The following PCSK1 variants were observed in gnomAD, a reference collection of about 807,000 sequenced individuals.
PCSK1 encodes the protein neuroendocrine convertase 1.
Under a neutral mutation model 90.6 loss-of-function variants are expected in PCSK1, and 56 were observed. That is an observed-to-expected ratio of 0.62 (90% CI 0.50 to 0.77). The LOEUF is 0.77. Among genes scored for constraint, PCSK1 ranks in the 30% least tolerant of loss-of-function variants. The pLI, the probability that PCSK1 is intolerant of heterozygous loss-of-function variation, is 0.00. For synonymous variants in PCSK1, 348 were observed against 342.4 expected, an observed-to-expected ratio of 1.02 and a Z score of -0.18; for missense variants, 801 against 932.6, an observed-to-expected ratio of 0.86 and a Z score of 1.84.
intron 1 of PCSK1, chr5:96,432,015 C>A: frequency 8.9e-7 from 1 of 1,122,732 alleles, no homozygotes; most frequent in Non-Finnish European, 1.3e-6. Context: ...CAACCAGCTA[C>A]CTATCGACCA....
In PCSK1 at chr5:96,392,238, A is replaced by C. The variant is rs1334074097; in HGVS notation, c.*763T>G. 1.3e-5 allele frequency: 2 copies of C among 148,780 alleles called. No homozygotes were observed. Among genetic ancestry groups the C allele is most frequent in the African/African-American group, 5.0e-5 (2 of 39,702 alleles). The allele number at this position is 148,780 out of a possible 1,614,324, so 9.2% of individuals were successfully genotyped here. On this transcript the variant is annotated 3_prime_UTR_variant, in exon 14 of 14. Transcript: ENST00000311106. ...CCAACATTTATTTTGTGGCTGAGAA[A>C]GGAGACAGGTATAGAAAACTTTCAG...
rs1299160700 is a variant in PCSK1 at position 96,425,043 on chromosome 5, AGAAAG to A, written c.396+772_396+776del. Among the ~76,000 whole-genome samples the A allele has an allele frequency of 5.0e-5, 7 of 140,876 alleles. No individual in the cohort carries two copies. In the East Asian group the frequency reaches 1.3e-3, roughly 26 times the overall value. The allele number at this position is 140,876 out of a possible 152,430, so 92.4% of individuals were successfully genotyped here. On this transcript the variant is annotated intron_variant, in intron 3 of 13. Coordinates refer to ENST00000311106, the MANE Select transcript of PCSK1 (RefSeq NM_000439.5). Reference sequence around the variant, plus strand: ...AAGAAAGAAAGAAAGAAAGAAAGAAAGAAAGAAAGAAAGAAAGAAAGAAAGAAAGA... The same window carrying A: ...AAGAAAGAAAGAAAGAAAGAAAGAAAAAAGAAAGAAAGAAAGAAAGAAAGA...
At position 96,410,835 on chromosome 5, in the gene PCSK1, T is replaced by C; in HGVS notation, c.1034A>G (p.Glu345Gly). 6.2e-7 allele frequency: 1 copy of C among 1,614,132 alleles called. No homozygotes were observed. The highest frequency in any genetic ancestry group is 8.5e-7 in the Non-Finnish European group (1 of 1,179,980). ...SQQGLSPWYA[E>G]KCSSTLATSY... The stretch of plus-strand genomic sequence containing the variant: ...GGTGGCCAGTGTGGAGGAGCACTTC[T>C]CAGCGTACCAGGGGGATAGGCCTTG... The change falls in exon 8 of 14, where the codon GAG (glutamate) becomes GGG (glycine). Residue 345 changes from glutamate to glycine, a missense_variant. Transcript: ENST00000311106.
intron 7 of PCSK1, among the ~76,000 whole-genome samples, chr5:96,411,968 C>A (rs1412265638): frequency 6.6e-6 from 1 of 152,116 alleles, no homozygotes; most frequent in African/African-American, 2.4e-5. Context: ...TAAGTTGAGA[C>A]CACAGTTTCA....
At position 96,394,914 on chromosome 5, in the gene PCSK1, T is replaced by C; in HGVS notation, c.1834A>G (p.Thr612Ala). 6.2e-7 allele frequency: 1 copy of C among 1,614,084 alleles called. No individual in the cohort carries two copies. Among genetic ancestry groups the C allele is most frequent in the South Asian group, 1.1e-5 (1 of 91,078 alleles). Residue 612 changes from threonine (T) to alanine (A), a missense_variant, in exon 13 of 14, where the codon ACT (threonine) becomes GCT (alanine). Thr to Ala is a moderately conservative substitution (Grantham distance 58, BLOSUM62 0). Coordinates refer to ENST00000311106, the MANE Select transcript of PCSK1 (RefSeq NM_000439.5). The part of the protein sequence containing the change: ...KQPRVYTSYN[T>A]VQNDRRGVEK... ...ACCCCTCTTCTGTCATTCTGAACAGTGTTGTAGGACGTGTACACACGAGGC... is the reference window on the plus strand; with the variant it reads ...ACCCCTCTTCTGTCATTCTGAACAGCGTTGTAGGACGTGTACACACGAGGC...
At position 96,408,310 on chromosome 5, in the gene PCSK1, A is replaced by AG; in HGVS notation, c.1108dup (p.Leu370ProfsTer4). On this transcript the variant is annotated frameshift_variant, in exon 9 of 14. Transcript: ENST00000311106. LOFTEE classifies it high-confidence loss of function. Reference sequence around the variant, plus strand: ...GTGCGTCTCCGTGCAGTCATTGTGCAGGTCAGCGCTCGTCTGGATGACGTC... The same window carrying AG: ...GTGCGTCTCCGTGCAGTCATTGTGCAGGGTCAGCGCTCGTCTGGATGACGTC... The AG allele has an allele frequency of 1.2e-6, 2 of 1,613,784 alleles. No homozygotes were observed. Among genetic ancestry groups the AG allele is most frequent in the Non-Finnish European group, 1.7e-6 (2 of 1,179,740 alleles).
chr5:96,410,281 A>AG (rs1289966618), intron 8 of PCSK1, among the ~76,000 whole-genome samples: 1 of 152,122 alleles, frequency 6.6e-6, no homozygotes, highest in Non-Finnish European at 1.5e-5. Context: ...AGTTCACCTC[A>AG]GGGGACACTG....
intron 1 of PCSK1, among the ~76,000 whole-genome samples, chr5:96,430,662 A>T (rs1027736367): frequency 2.0e-5 from 3 of 152,242 alleles, no homozygotes; most frequent in Non-Finnish European, 4.4e-5. Context: ...AATAAGCAGA[A>T]CCAGGAACGT....
At chr5:96,405,929 A>G (rs1760544367) in intron 9 of PCSK1, among the ~76,000 whole-genome samples, 1 of 152,176 alleles carries the variant, frequency 6.6e-6, no homozygotes, top group South Asian at 2.1e-4. Context: ...CTAGACATAA[A>G]ATTTTAAGAT....
intron 2 of PCSK1, among the ~76,000 whole-genome samples, chr5:96,427,572 A>G (rs547608948): frequency 6.6e-6 from 1 of 151,166 alleles, no homozygotes; most frequent in South Asian, 2.1e-4. Flanking sequence ...GCATTTTTTC[A>G]TAATGTCTTG....
chr5:96,406,367 C>G (rs1273105498), intron 9 of PCSK1, among the ~76,000 whole-genome samples: 1 of 152,144 alleles, frequency 6.6e-6, no homozygotes, highest in African/African-American at 2.4e-5. Context: ...TGTCTTTTGT[C>G]CATCTACTTC....
At chr5:96,396,893 T>G (rs1454260870) in intron 12 of PCSK1, among the ~76,000 whole-genome samples, 1 of 152,222 alleles carries the variant, frequency 6.6e-6, no homozygotes, top group Admixed American at 6.5e-5. Context: ...AAGATATCTC[T>G]CCAAACATTA....
rs1205346282 is a variant in PCSK1 at position 96,422,279 on chromosome 5, A to T, written c.544-323T>A. Among the ~76,000 whole-genome samples the T allele has an allele frequency of 3.3e-5, 5 of 152,158 alleles. No individual in the cohort carries two copies. The East Asian group carries it at 9.6e-4, about 29-fold the overall frequency. ...CAGTCATCTCAGTTTTCAGATGAGA[A>T]AATTGAGGCCCAGAGAAGTTAAATG... is the stretch of plus-strand genomic sequence containing the variant. On this transcript the variant is annotated intron_variant, in intron 4 of 13. Coordinates refer to ENST00000311106, the MANE Select transcript of PCSK1 (RefSeq NM_000439.5).
Position 96,397,347 on chromosome 5 carries a change from T to A in PCSK1, c.1711A>T (p.Ile571Phe), listed in dbSNP as rs752362884. ...ENPIGTWTLR[I>F]TDMSGRIQNE... ...TCATTCACACTTACCATGTCTGTAA[T>A]TCTCAAAGTCCAAGTACCTATAGGG... Residue 571 changes from isoleucine to phenylalanine, a missense_variant, in exon 12 of 14, where the codon ATT becomes TTT. Ile to Phe is a conservative substitution (Grantham distance 21). Coordinates refer to ENST00000311106, the MANE Select transcript of PCSK1 (RefSeq NM_000439.5). 2.2e-5 allele frequency: 36 copies of A among 1,613,286 alleles called. No individual in the cohort carries two copies. Among genetic ancestry groups the A allele is most frequent in the Non-Finnish European group, 3.1e-5 (36 of 1,179,252 alleles).
chr5:96,431,581 A>G (rs572401384), intron 1 of PCSK1, among the ~76,000 whole-genome samples: 2 of 152,310 alleles, frequency 1.3e-5, no homozygotes, highest in East Asian at 3.9e-4. Context: ...CACGAGGGCA[A>G]GGGCTGGCCA....
chr5:96,423,534 C>T (rs1761191694), intron 3 of PCSK1, 75 bp from the exon 4 acceptor site: 9 of 1,310,118 alleles, frequency 6.9e-6, no homozygotes, highest in Admixed American at 5.1e-5. Context: ...CAGTTCCAAC[C>T]TGGAGACCCA....
intron 13 of PCSK1, among the ~76,000 whole-genome samples, chr5:96,394,309 A>C (rs534740390): frequency 1.2e-4 from 19 of 152,354 alleles, no homozygotes; most frequent in Admixed American, 3.3e-4. Context: ...CAGGAATGTG[A>C]ACGACTTATT....
chr5:96,395,833 A>C (rs893571848), intron 12 of PCSK1, among the ~76,000 whole-genome samples: 1 of 73,288 alleles, frequency 1.4e-5, no homozygotes, highest in African/African-American at 1.2e-4. Context: ...AATGACAAAA[A>C]ATAAATAAAT....
chr5:96,432,536 A>G (rs1309116793), intron 1 of PCSK1, among the ~76,000 whole-genome samples: 1 of 152,180 alleles, frequency 6.6e-6, no homozygotes, highest in East Asian at 1.9e-4. Context: ...GCTTGAGTGT[A>G]TCTCAAGTTC....
Sources: gnomAD v4.1 joint callset for allele counts (sites outside exome capture counted in the v4.1 genomes callset) on GRCh38, gnomAD v4.1.1 for gene constraint, MANE v1.5 for transcripts, NCBI Gene and HGNC (gene_info 2026-07-23, HGNC 2026-07-21) for gene names.